GAPDHS: variants seen among roughly 807,000 people sequenced by gnomAD.
The protein encoded by GAPDHS is glyceraldehyde-3-phosphate dehydrogenase, testis-specific.
Under a neutral mutation model 48.7 loss-of-function variants are expected in GAPDHS, and 42 were observed. The observed-to-expected ratio is 0.86, with a 90% CI of 0.67 to 1.12. The LOEUF (loss-of-function observed/expected upper bound fraction) is 1.12, where lower values mean the gene tolerates loss of function less well. Ranked by LOEUF, GAPDHS falls within the 50% of genes most tolerant of loss-of-function variation. The pLI is 0.00. For missense variants in GAPDHS, 512 were observed against 557.7 expected (o/e 0.92, Z 0.82); for synonymous variants, 166 against 219.1 (o/e 0.76, Z 2.14).
At chr19:35,544,393 G>T (rs1309039503) in intron 9 of GAPDHS, 1 of 166,666 alleles carries the variant, frequency 6.0e-6, no homozygotes, top group Non-Finnish European at 1.3e-5. Flanking sequence ...ACTCCTGCAG[G>T]TCCACTTTCC....
intron 4 of GAPDHS, chr19:35,541,971 G>T: frequency 3.3e-6 from 1 of 299,108 alleles, no homozygotes; most frequent in Non-Finnish European, 6.5e-6. Flanking sequence ...CAGTCACAGA[G>T]TCCACGTCCC....
intron 1 of GAPDHS, among the ~76,000 whole-genome samples, chr19:35,534,786 C>T (rs910626941): frequency 1.3e-5 from 2 of 152,144 alleles, no homozygotes; most frequent in African/African-American, 4.8e-5. Flanking sequence ...ACCTATAGTC[C>T]AGCCTCAGGC....
Position 35,543,650 on chromosome 19 carries a change from T to TG in GAPDHS, c.894-10dup. The TG allele has an allele frequency of 1.2e-6, 2 of 1,612,586 alleles. No homozygotes were observed. The highest frequency in any genetic ancestry group is 1.7e-6 in the Non-Finnish European group (2 of 1,179,154). ...CCTAAGTTCTGACTCCTGTTCCTCATGGGGGATTCTCCAGGAAGCTGACAG... is the reference window on the plus strand; with the variant it reads ...CCTAAGTTCTGACTCCTGTTCCTCATGGGGGGATTCTCCAGGAAGCTGACAG... On this transcript the variant is annotated splice_polypyrimidine_tract_variant and intron_variant, in intron 8 of 10. Transcript: ENST00000222286.
Position 35,536,803 on chromosome 19 carries a change from C to T in GAPDHS, c.68-10C>T. The T allele has an allele frequency of 6.3e-7, 1 of 1,589,378 alleles. No individual in the cohort carries two copies. Among genetic ancestry groups the T allele is most frequent in the Non-Finnish European group, 8.6e-7 (1 of 1,161,918 alleles). On this transcript the variant is annotated splice_polypyrimidine_tract_variant and intron_variant, in intron 1 of 10. Transcript: ENST00000222286. ...GTCATGCAACCCATTCCCTCCCTTC[C>T]CCCGCATAGTGACCAGAGCACCGCC...
rs150605815 is a variant in GAPDHS, at chr19:35,544,876, G to A, written c.1057-33G>A. On this transcript the variant is annotated intron_variant, in intron 9 of 10. Transcript: ENST00000222286. ...AGCTCCTGGAGGTCCTTGCTCTGCC[G>A]GACACACTTATCTTTGAAATTCTGA... The A allele has an allele frequency of 7.3e-6, 10 of 1,361,030 alleles. No individual in the cohort carries two copies. The African/African-American group carries it at 1.1e-4, about 16-fold the overall frequency. The allele number at this position is 1,361,030 out of a possible 1,614,324, so 84.3% of individuals were successfully genotyped here.
Position 35,543,413 on chromosome 19 carries a change from G to C in GAPDHS, c.815G>C (p.Arg272Pro). 1 of 1,611,050 alleles carries C rather than the reference G, an allele frequency of 6.2e-7. No individual in the cohort carries two copies. The highest frequency in any genetic ancestry group is 8.5e-7 in the Non-Finnish European group (1 of 1,179,002). ...TCAAGGAAGGCCTGGCGAGATGGGC[G>C]GGGTGCCCACCAGAACATCATCCCA... ...GPSRKAWRDG[R>P]GAHQNIIPAS... Residue 272 changes from arginine (R) to proline (P), a missense_variant, in exon 8 of 11, where the codon CGG becomes CCG. Transcript: ENST00000222286.
chr19:35,534,166 C>T (rs2071449936), intron 1 of GAPDHS, among the ~76,000 whole-genome samples: 1 of 151,590 alleles, frequency 6.6e-6, no homozygotes. Context: ...CTTAGTCTCT[C>T]AACAAGGGCG....
chr19:35,542,425 G>A lies in GAPDHS; in HGVS notation c.540+16G>A, dbSNP rs1304958391. ...GGCAGCTTCGGTAAGCTGGGGAGAG[G>A]TGCCCAGGGCTAGCTGGGGGGATGA... On this transcript the variant is annotated intron_variant, in intron 5 of 10. Transcript: ENST00000222286. 2 of 1,606,082 alleles carry A rather than the reference G, an allele frequency of 1.2e-6. No homozygotes were observed. The highest frequency in any genetic ancestry group is 1.1e-5 in the South Asian group (1 of 90,942).
intron 9 of GAPDHS, 51 bp from the exon 10 acceptor site, chr19:35,544,858 G>A (rs2146298922): frequency 9.3e-7 from 1 of 1,075,210 alleles, no homozygotes; most frequent in South Asian, 1.2e-5. Context: ...CTCAGCTCCT[G>A]GAGGTCCTTG....
In GAPDHS at chr19:35,545,137, C is replaced by A. The variant is rs2071537152; in HGVS notation, c.1194C>A (p.Asp398Glu). Residue 398 changes from aspartate to glutamate, a missense_variant, in exon 11 of 11, where the codon GAC becomes GAA. Transcript: ENST00000222286. Reference sequence around the variant, plus strand: ...ATGGCTACAGTCACCGGGTGGTCGACCTCCTCCGCTACATGTTCAGCCGAG... The same window carrying A: ...ATGGCTACAGTCACCGGGTGGTCGAACTCCTCCGCTACATGTTCAGCCGAG... ...NEYGYSHRVV[D>E]LLRYMFSRDK 3 of 1,613,982 alleles carry A rather than the reference C, an allele frequency of 1.9e-6. No homozygotes were observed. In the African/African-American group the frequency reaches 4.0e-5, roughly 22 times the overall value.
At chr19:35,544,729 G>C (rs1193953699) in intron 9 of GAPDHS, 180 bp from the exon 10 acceptor site, 1 of 618,746 alleles carries the variant, frequency 1.6e-6, no homozygotes, top group African/African-American at 1.8e-5. Context: ...CCCTGACACA[G>C]TGCCTTGGTC....
At chr19:35,534,128 CAG>C (rs1346221422) in intron 1 of GAPDHS, among the ~76,000 whole-genome samples, 3 of 152,196 alleles carry the variant, frequency 2.0e-5, no homozygotes, top group Non-Finnish European at 4.4e-5. Flanking sequence ...GAGCGGCCAA[CAG>C]AGGTTAAGAG....
chr19:35,536,233 C>G (rs1488187524), intron 1 of GAPDHS, among the ~76,000 whole-genome samples: 1 of 152,120 alleles, frequency 6.6e-6, no homozygotes, highest in African/African-American at 2.4e-5. Context: ...TCTCCCCTTA[C>G]AGAGGAGGAA....
chr19:35,545,295 G>A lies in GAPDHS; in HGVS notation c.*125G>A, dbSNP rs1197603633. ...GGGCGCCCCACGCCGATGGGTCCAT[G>A]GTGAAATAAAAAACAGTGCTCACGG... On this transcript the variant is annotated 3_prime_UTR_variant, in exon 11 of 11. Coordinates refer to ENST00000222286, the MANE Select transcript of GAPDHS (RefSeq NM_014364.5). 1 of 776,936 alleles carries A rather than the reference G, an allele frequency of 1.3e-6. No individual in the cohort carries two copies. Among genetic ancestry groups the A allele is most frequent in the Non-Finnish European group, 2.3e-6 (1 of 438,064 alleles). 48.1% of individuals were successfully genotyped at this position (776,936 alleles called of 1,614,324 possible).
Position 35,538,309 on chromosome 19 carries a change from T to G in GAPDHS, c.248T>G (p.Phe83Cys). ...ARELTVGING[F>C]GRIGRLVLRA... ...CCTTCCTGTCTGTCCCTGGCCAGATTTGGACGCATCGGTCGCCTGGTCCTG... is the reference window on the plus strand; with the variant it reads ...CCTTCCTGTCTGTCCCTGGCCAGATGTGGACGCATCGGTCGCCTGGTCCTG... The change falls in exon 3 of 11, where the codon TTT (phenylalanine) becomes TGT (cysteine). Residue 83 changes from phenylalanine to cysteine, a missense_variant and splice_region_variant. Coordinates refer to ENST00000222286, the MANE Select transcript of GAPDHS (RefSeq NM_014364.5). The G allele has an allele frequency of 6.2e-7, 1 of 1,611,590 alleles. No homozygotes were observed. Among genetic ancestry groups the G allele is most frequent in the Non-Finnish European group, 8.5e-7 (1 of 1,178,112 alleles).
intron 1 of GAPDHS, among the ~76,000 whole-genome samples, chr19:35,534,232 G>T (rs942795712): frequency 6.6e-6 from 1 of 152,154 alleles, no homozygotes; most frequent in African/African-American, 2.4e-5. Flanking sequence ...CACTCTAGCC[G>T]GAGGAACCAG....
intron 4 of GAPDHS, among the ~76,000 whole-genome samples, chr19:35,539,031 G>A (rs544052563): frequency 2.4e-4 from 37 of 152,008 alleles, no homozygotes; most frequent in African/African-American, 7.2e-4. Flanking sequence ...CTCCCACCTC[G>A]GCCTCCCAAG....
rs368785025 is a variant in GAPDHS, at chr19:35,543,861, C to G, written c.1056+34C>G. 1.7e-3 allele frequency: 2,660 copies of G among 1,552,350 alleles called. 5 individuals are homozygous for G. The highest frequency in any genetic ancestry group is 2.2e-3 in the Non-Finnish European group (2,499 of 1,150,928). ...TGAGGAGAGGAGACCCTGGGAGGAG[C>G]CCTCTGGGAAGGGACATGATTTCCA... is the stretch of plus-strand genomic sequence containing the variant. On this transcript the variant is annotated intron_variant, in intron 9 of 10. Transcript: ENST00000222286.
Position 35,545,212 on chromosome 19 carries a change from G to T in GAPDHS, c.*42G>T, listed in dbSNP as rs757245394. ...CTTTCCTTCCCAGGGGCCGGGGCCG[G>T]AACATGTGCCTCCCGTTCCAGCATC... On this transcript the variant is annotated 3_prime_UTR_variant, in exon 11 of 11. Transcript: ENST00000222286. 1 of 1,530,564 alleles carries T rather than the reference G, an allele frequency of 6.5e-7. No individual in the cohort carries two copies. The highest frequency in any genetic ancestry group is 1.4e-5 in the African/African-American group (1 of 73,408). 94.8% of individuals were successfully genotyped at this position (1,530,564 alleles called of 1,614,324 possible). A position where few individuals can be genotyped will look rare whatever the true frequency, so the allele number is the denominator to read the frequency against.
Sources: allele counts gnomAD v4.1 joint callset (sites outside exome capture counted in the v4.1 genomes callset), GRCh38; gene constraint gnomAD v4.1.1; transcripts MANE v1.5; gene names NCBI Gene and HGNC (gene_info 2026-07-23, HGNC 2026-07-21).